The following BCAN variants were observed in gnomAD, a reference collection of about 807,000 sequenced individuals.
The protein encoded by BCAN is brevican.
In BCAN, 51 loss-of-function variants were observed where a neutral mutation model predicts 92.4. The ratio of observed to expected loss-of-function variants is 0.55; its 90% CI spans 0.44 to 0.70. The LOEUF (loss-of-function observed/expected upper bound fraction) is 0.70. Among genes scored for constraint, BCAN ranks in the 30% least tolerant of loss-of-function variants. BCAN has a pLI of 0.00. For synonymous variants in BCAN, 501 were observed against 505.2 expected, an observed-to-expected ratio of 0.99 and a Z score of 0.11; for missense variants, 1,140 against 1,212.1, an observed-to-expected ratio of 0.94 and a Z score of 0.88.
chr1:156,655,006 C>T (rs776260957), intron 8 of BCAN, among the ~76,000 whole-genome samples: 3 of 152,236 alleles, frequency 2.0e-5, no homozygotes, highest in African/African-American at 7.2e-5. Flanking sequence ...GGCAGTGGGA[C>T]CTGTGGCCAG....
chr1:156,647,525 C>A lies in BCAN; in HGVS notation c.484C>A (p.Arg162=), dbSNP rs757516841. 3.8e-6 allele frequency: 6 copies of A among 1,577,280 alleles called. No individual in the cohort carries two copies. Among genetic ancestry groups the A allele is most frequent in the South Asian group, 3.5e-5 (3 of 84,974 alleles). Reference sequence around the variant, plus strand: ...CCCCACAGGGGTCGTCTTTCTCTACCGAGAGGGCTCTGCCCGCTATGCTTT... The same window carrying A: ...CCCCACAGGGGTCGTCTTTCTCTACAGAGAGGGCTCTGCCCGCTATGCTTT... ...VKVKGVVFLY[R]EGSARYAFSF... The change falls in exon 4 of 14, where the codon CGA becomes AGA. Residue 162 remains arginine, a synonymous_variant. Coordinates refer to ENST00000329117, the MANE Select transcript of BCAN (RefSeq NM_021948.5). The surrounding 1 kb of genome is among the most constrained non-coding windows in gnomAD (Gnocchi z 4.8).
intron 7 of BCAN, 109 bp from the exon 8 acceptor site, chr1:156,652,139 A>G (rs1679183905): frequency 7.0e-7 from 1 of 1,436,176 alleles, no homozygotes; most frequent in South Asian, 1.4e-5. Flanking sequence ...TCTCTTCCCT[A>G]TTCCCCAGGG....
chr1:156,657,842 T>TG (rs1679390541), intron 11 of BCAN, 85 bp downstream of exon 11: 3 of 847,958 alleles, frequency 3.5e-6, no homozygotes, highest in African/African-American at 2.6e-5. Context: ...CTCCCGACCC[T>TG]GTCCCCTTCT....
rs1274091898 is a variant in BCAN at position 156,658,078 on chromosome 1, C to T, written c.2293-49C>T. 1.1e-5 allele frequency: 18 copies of T among 1,596,068 alleles called. No individual in the cohort carries two copies. The highest frequency in any genetic ancestry group is 2.3e-5 in the South Asian group (2 of 87,694). On this transcript the variant is annotated intron_variant, in intron 11 of 13. Transcript: ENST00000329117. The surrounding 1 kb of genome is among the most constrained non-coding windows in gnomAD (Gnocchi z 4.4). The stretch of plus-strand genomic sequence containing the variant: ...CTCCCCAGATCCTCTAGGCCCTCTC[C>T]CGGTGCTCCTGGTGTAGGAGCTCCT...
chr1:156,653,070 G>C (rs1679230824), intron 8 of BCAN, 178 bp downstream of exon 8: 1 of 1,481,166 alleles, frequency 6.8e-7, no homozygotes, highest in Non-Finnish European at 8.9e-7. Flanking sequence ...TATCCACCTT[G>C]TGGGTATCTC....
chr1:156,651,530 A>G lies in BCAN; in HGVS notation c.1138A>G (p.Ile380Val), dbSNP rs1031936896. 1.1e-5 allele frequency: 17 copies of G among 1,614,022 alleles called. No individual in the cohort carries two copies. Among genetic ancestry groups the G allele is most frequent in the Non-Finnish European group, 1.4e-5 (17 of 1,179,994 alleles). ...SNPASDGLEA[I>V]VTVTETLEEL... Reference sequence around the variant, plus strand: ...CCCAGCCTCTGATGGACTAGAGGCTATCGTCACAGTGACAGAGACCCTGGA... The same window carrying G: ...CCCAGCCTCTGATGGACTAGAGGCTGTCGTCACAGTGACAGAGACCCTGGA... The change falls in exon 7 of 14, where the codon ATC becomes GTC. Residue 380 changes from isoleucine (I) to valine (V), a missense_variant. This residue lies in a region of BCAN where 825 missense variants were observed against 871.8 expected (regional missense o/e 0.95). Coordinates refer to ENST00000329117, the MANE Select transcript of BCAN (RefSeq NM_021948.5).
chr1:156,646,498 C>T, intron 2 of BCAN: 1 of 515,770 alleles, frequency 1.9e-6, no homozygotes, highest in Non-Finnish European at 3.3e-6. Flanking sequence ...GTTGGAGGAC[C>T]CTGGGGTGTG....
chr1:156,657,677 C>A lies in BCAN; in HGVS notation c.2212C>A (p.Arg738=). 1 of 1,608,634 alleles carries A rather than the reference C, an allele frequency of 6.2e-7. No homozygotes were observed. The highest frequency in any genetic ancestry group is 8.5e-7 in the Non-Finnish European group (1 of 1,178,114). The change falls in exon 11 of 14, where the codon CGG becomes AGG. Residue 738 remains arginine, a splice_region_variant and synonymous_variant. Coordinates refer to ENST00000329117, the MANE Select transcript of BCAN (RefSeq NM_021948.5). ...ACTGCACGCCTTCGTCTCCCTAGACCGGTACCGGGAGTACCAGTGGATCGG... is the reference window on the plus strand; with the variant it reads ...ACTGCACGCCTTCGTCTCCCTAGACAGGTACCGGGAGTACCAGTGGATCGG... ...TPEEQDFINN[R]YREYQWIGLN...
At chr1:156,653,058 G>C (rs1432172304) in intron 8 of BCAN, 166 bp downstream of exon 8, 2 of 1,486,668 alleles carry the variant, frequency 1.3e-6, no homozygotes, top group Non-Finnish European at 1.8e-6. Flanking sequence ...TCCAATCTCG[G>C]ATATCCACCT....
chr1:156,657,575 G>T (rs547909138), intron 10 of BCAN, 100 bp from the exon 11 acceptor site: 3 of 915,414 alleles, frequency 3.3e-6, no homozygotes, highest in Non-Finnish European at 5.0e-6. Flanking sequence ...GCTGGATCGC[G>T]GGGAAGGGTT....
chr1:156,653,265 T>G, intron 8 of BCAN: 1 of 1,178,698 alleles, frequency 8.5e-7, no homozygotes, highest in Non-Finnish European at 1.1e-6. Flanking sequence ...CACTACTCCC[T>G]TCATCCGCCT....
At chr1:156,654,907 C>A (rs1229685471) in intron 8 of BCAN, among the ~76,000 whole-genome samples, 1 of 152,188 alleles carries the variant, frequency 6.6e-6, no homozygotes, top group Non-Finnish European at 1.5e-5. Context: ...AAAGCTGATT[C>A]ATTTCACCCA....
In BCAN at chr1:156,648,061, G is replaced by A. The variant is rs2102558874; in HGVS notation, c.720G>A (p.Val240=). The part of the protein sequence containing the change: ...GFPGVRNYGV[V]DPDDLYDVYC... The stretch of plus-strand genomic sequence containing the variant: ...CCGGGGTCCGGAACTATGGTGTGGT[G>A]GACCCGGATGACCTCTATGATGTGT... The change falls in exon 5 of 14, where the codon GTG becomes GTA. Residue 240 remains valine (V), a synonymous_variant. Transcript: ENST00000329117. 1 of 1,614,066 alleles carries A rather than the reference G, an allele frequency of 6.2e-7. No individual in the cohort carries two copies. Among genetic ancestry groups the A allele is most frequent in the Non-Finnish European group, 8.5e-7 (1 of 1,179,976 alleles).
In BCAN at chr1:156,648,026, G is replaced by T. The variant is rs752778348; in HGVS notation, c.685G>T (p.Asp229Tyr). Residue 229 changes from aspartate (D) to tyrosine (Y), a missense_variant, in exon 5 of 14, where the codon GAT becomes TAT. Asp to Tyr is a radical substitution (Grantham distance 160, BLOSUM62 -3). Coordinates refer to ENST00000329117, the MANE Select transcript of BCAN (RefSeq NM_021948.5). ...ACGAGAGGCCTGTTACGGAGACATGGATGGCTTCCCCGGGGTCCGGAACTA... is the reference window on the plus strand; with the variant it reads ...ACGAGAGGCCTGTTACGGAGACATGTATGGCTTCCCCGGGGTCCGGAACTA... Reference protein sequence around the residue: ...TPREACYGDMDGFPGVRNYGV... With the variant: ...TPREACYGDMYGFPGVRNYGV... 6.2e-7 allele frequency: 1 copy of T among 1,614,070 alleles called. No homozygotes were observed. The highest frequency in any genetic ancestry group is 8.5e-7 in the Non-Finnish European group (1 of 1,179,978).
At chr1:156,651,796 G>T in intron 7 of BCAN, 107 bp downstream of exon 7, 2 of 1,047,218 alleles carry the variant, frequency 1.9e-6, no homozygotes, top group Non-Finnish European at 2.8e-6. Context: ...ACTCTGCCCT[G>T]TCCTTTCTCA....
In BCAN at chr1:156,648,792, C is replaced by G. The variant is rs1679068055; in HGVS notation, c.994C>G (p.Leu332Val). The G allele has an allele frequency of 1.9e-6, 3 of 1,600,986 alleles. No homozygotes were observed. Among genetic ancestry groups the G allele is most frequent in the African/African-American group, 1.3e-5 (1 of 74,722 alleles). ...CGGGLPGVKT[L>V]FLFPNQTGFP... ...TGGGGGCTTGCCTGGTGTCAAGACT[C>G]TCTTCCTCTTCCCCAACCAGACTGG... is the stretch of plus-strand genomic sequence containing the variant. The change falls in exon 6 of 14, where the codon CTC becomes GTC. Residue 332 changes from leucine (L) to valine (V), a missense_variant. This residue lies in a region of BCAN where 825 missense variants were observed against 871.8 expected (regional missense o/e 0.95). Coordinates refer to ENST00000329117, the MANE Select transcript of BCAN (RefSeq NM_021948.5).
chr1:156,654,625 G>C (rs1679277156), intron 8 of BCAN, among the ~76,000 whole-genome samples: 2 of 152,226 alleles, frequency 1.3e-5, no homozygotes, highest in Non-Finnish European at 2.9e-5. Context: ...AGGGGGAGGG[G>C]CCTATGGCTT....
At chr1:156,646,727 G>A in intron 2 of BCAN, 74 bp from the exon 3 acceptor site, 1 of 1,499,120 alleles carries the variant, frequency 6.7e-7, no homozygotes, top group East Asian at 2.4e-5. Context: ...ATCCTGGAGC[G>A]GGGCTTGGAG....
Position 156,647,796 on chromosome 1 carries a change from G to C in BCAN, c.641+114G>C. 3 of 1,536,014 alleles carry C rather than the reference G, an allele frequency of 2.0e-6. No individual in the cohort carries two copies. Among genetic ancestry groups the C allele is most frequent in the South Asian group, 2.3e-5 (2 of 87,038 alleles). ...TGGACATGCAGGGCTTTTTGCCTCT[G>C]GGGGATGAGGCTGGTCTGAGGAGGG... is the stretch of plus-strand genomic sequence containing the variant. On this transcript the variant is annotated intron_variant, in intron 4 of 13. Transcript: ENST00000329117. The surrounding 1 kb of genome is among the most constrained non-coding windows in gnomAD (Gnocchi z 4.8).
Sources: allele counts gnomAD v4.1 joint callset (sites outside exome capture counted in the v4.1 genomes callset), GRCh38; gene constraint gnomAD v4.1.1; regional missense constraint gnomAD v4.1.1; non-coding constraint Gnocchi (gnomAD v3.1); transcripts MANE v1.5; gene names NCBI Gene and HGNC (gene_info 2026-07-23, HGNC 2026-07-21).